SRGAP1: variants seen among roughly 807,000 people sequenced by gnomAD.
The protein encoded by SRGAP1 is SLIT-ROBO Rho GTPase activating protein 1, also known as SLIT-ROBO Rho GTPase-activating protein 1.
A neutral mutation model predicts 121.9 loss-of-function variants in SRGAP1; 43 were observed. That is an observed-to-expected ratio of 0.35 (90% CI 0.28 to 0.46). The LOEUF is 0.46. Among genes scored for constraint, SRGAP1 ranks in the 20% least tolerant of loss-of-function variants. The probability of loss-of-function intolerance (pLI) is 1.00; values close to 1 mark genes in which losing one functional copy is unlikely to be tolerated. For missense variants in SRGAP1, 1,102 were observed against 1,350.9 expected (o/e 0.82, Z 2.89); for synonymous variants, 447 against 485.4 (o/e 0.92, Z 1.04).
intron 1 of SRGAP1, among the ~76,000 whole-genome samples, chr12:63,979,518 T>A (rs2033190504): frequency 6.6e-6 from 1 of 152,152 alleles, no homozygotes; most frequent in African/African-American, 2.4e-5. Flanking sequence ...TACCCTTCAA[T>A]GCATTATGTT....
At chr12:63,872,570 T>G (rs1255660323) in intron 1 of SRGAP1, among the ~76,000 whole-genome samples, 1 of 152,228 alleles carries the variant, frequency 6.6e-6, no homozygotes, top group East Asian at 1.9e-4. Flanking sequence ...TTAAGATAAT[T>G]GAAGTATTTG....
intron 1 of SRGAP1, among the ~76,000 whole-genome samples, chr12:63,904,124 C>T (rs1314147663): frequency 6.8e-6 from 1 of 146,334 alleles, no homozygotes; most frequent in Non-Finnish European, 1.5e-5. Flanking sequence ...CTGAATTTTG[C>T]ACTAATTATT....
chr12:63,988,790 A>C (rs1314095405), intron 2 of SRGAP1, among the ~76,000 whole-genome samples: 1 of 152,174 alleles, frequency 6.6e-6, no homozygotes, highest in Non-Finnish European at 1.5e-5. Flanking sequence ...TTACTTTTTA[A>C]AGAAAAAACA....
chr12:63,936,682 CT>C (rs2031673116), intron 1 of SRGAP1, among the ~76,000 whole-genome samples: 1 of 152,090 alleles, frequency 6.6e-6, no homozygotes. Flanking sequence ...TTCCGTTTTA[CT>C]TATAGGTTTG....
intron 1 of SRGAP1, among the ~76,000 whole-genome samples, chr12:63,938,081 G>A (rs972419960): frequency 6.6e-6 from 1 of 152,194 alleles, no homozygotes; most frequent in African/African-American, 2.4e-5. Context: ...AACCCTCAGC[G>A]GTTTCTACTG....
At chr12:63,982,040 C>T (rs1039475901) in intron 1 of SRGAP1, among the ~76,000 whole-genome samples, 4 of 151,852 alleles carry the variant, frequency 2.6e-5, no homozygotes, top group Admixed American at 1.3e-4. Context: ...AGTGAAACCC[C>T]GTCTCTACTA....
At chr12:64,098,600 G>A (rs1215601662) in intron 15 of SRGAP1, among the ~76,000 whole-genome samples, 1 of 151,890 alleles carries the variant, frequency 6.6e-6, no homozygotes, top group African/African-American at 2.4e-5. Flanking sequence ...AGTCTGGCAG[G>A]CAGAGATTGC....
intron 3 of SRGAP1, among the ~76,000 whole-genome samples, chr12:64,001,157 A>T (rs1172232418): frequency 1.3e-5 from 2 of 152,174 alleles, no homozygotes; most frequent in African/African-American, 4.8e-5. Context: ...AAAAGAACAC[A>T]GATTAGGTCT....
rs541699754 is a variant in SRGAP1 at position 63,939,470 on chromosome 12, C to A, written c.68-44477C>A. 3.4e-3 allele frequency among the ~76,000 whole-genome samples: 514 copies of A among 151,894 alleles called. 1 individual carries two copies. Among genetic ancestry groups the A allele is most frequent in the Non-Finnish European group, 5.5e-3 (373 of 67,920 alleles). On this transcript the variant is annotated intron_variant, in intron 1 of 21. Transcript: ENST00000355086. ...CAAGGATTCATAAAATACAAAAGAA[C>A]AAAAATATTAAATGGAAGACCCGAA...
At chr12:64,056,747 A>G (rs1476287426) in intron 6 of SRGAP1, among the ~76,000 whole-genome samples, 1 of 152,130 alleles carries the variant, frequency 6.6e-6, no homozygotes, top group African/African-American at 2.4e-5. Flanking sequence ...TACATCAGGT[A>G]CATTAGCTTT....
chr12:64,062,397 A>C (rs934989680), intron 6 of SRGAP1, among the ~76,000 whole-genome samples: 1 of 152,166 alleles, frequency 6.6e-6, no homozygotes, highest in Non-Finnish European at 1.5e-5. Context: ...TTGTCTTTTT[A>C]TTATTGAGTT....
At chr12:64,105,312 G>A (rs556338823) in intron 15 of SRGAP1, among the ~76,000 whole-genome samples, 2 of 152,076 alleles carry the variant, frequency 1.3e-5, no homozygotes, top group Admixed American at 6.5e-5. Context: ...CTCATCTGTC[G>A]ATGAACATTT....
At chr12:64,042,283 C>T (rs1417869227) in intron 4 of SRGAP1, among the ~76,000 whole-genome samples, 11 of 151,810 alleles carry the variant, frequency 7.2e-5, no homozygotes, top group Non-Finnish European at 5.9e-5. Flanking sequence ...ATATATATTA[C>T]TTTGTGGTCA....
chr12:64,032,197 C>G (rs2034796712), intron 4 of SRGAP1, among the ~76,000 whole-genome samples: 1 of 152,126 alleles, frequency 6.6e-6, no homozygotes, highest in African/African-American at 2.4e-5. Flanking sequence ...GTCCCATGCT[C>G]CAGTGCTTCT....
rs566275642 is a variant in SRGAP1, at chr12:64,134,203, C to T, written c.2880+6003C>T. On this transcript the variant is annotated intron_variant, in intron 21 of 21. Transcript: ENST00000355086. Reference sequence around the variant, plus strand: ...TTGGGAGGCCAAGGCAGGCAGATCACGGGGTCAGGAGATTGAGACCATCCT... The same window carrying T: ...TTGGGAGGCCAAGGCAGGCAGATCATGGGGTCAGGAGATTGAGACCATCCT... Among the ~76,000 whole-genome samples the T allele has an allele frequency of 4.6e-5, 7 of 152,036 alleles. No individual in the cohort carries two copies. The South Asian group carries it at 1.5e-3, about 32-fold the overall frequency.
intron 1 of SRGAP1, among the ~76,000 whole-genome samples, chr12:63,898,778 A>C (rs531505318): frequency 6.6e-6 from 1 of 152,304 alleles, no homozygotes; most frequent in East Asian, 1.9e-4. Flanking sequence ...TATTGTTTTA[A>C]ATTTTTAAAA....
chr12:64,087,451 C>CGCCA (rs1488215503), intron 11 of SRGAP1, among the ~76,000 whole-genome samples: 2 of 152,076 alleles, frequency 1.3e-5, no homozygotes, highest in African/African-American at 4.8e-5. Flanking sequence ...AACATTAGAG[C>CGCCA]TGGCCGGGTG....
intron 8 of SRGAP1, among the ~76,000 whole-genome samples, chr12:64,073,484 A>G (rs550459387): frequency 6.6e-6 from 1 of 152,298 alleles, no homozygotes; most frequent in Admixed American, 6.5e-5. Flanking sequence ...GTCCCTTGGC[A>G]TCCAAGGGGG....
chr12:64,102,848 G>A (rs1049415645), intron 15 of SRGAP1, among the ~76,000 whole-genome samples: 5 of 152,098 alleles, frequency 3.3e-5, no homozygotes. Flanking sequence ...TGGATAAGAG[G>A]TTTGTTTTTG....
Sources: gnomAD v4.1 joint callset for allele counts (sites outside exome capture counted in the v4.1 genomes callset) on GRCh38, gnomAD v4.1.1 for gene constraint, MANE v1.5 for transcripts, NCBI Gene and HGNC (gene_info 2026-07-23, HGNC 2026-07-21) for gene names.